CDH18: variants seen among roughly 807,000 people sequenced by gnomAD.
The protein encoded by CDH18 is cadherin 18.
CDH18 carries 31 observed loss-of-function variants against 67.9 expected under a neutral mutation model. That is an observed-to-expected ratio of 0.46 (90% confidence interval 0.34 to 0.62). The LOEUF (loss-of-function observed/expected upper bound fraction) is 0.62, where lower values mean the gene tolerates loss of function less well. Ranked by LOEUF, CDH18 falls within the 20% of genes least tolerant of loss-of-function variation. CDH18 has a pLI of 0.01. For missense variants in CDH18, 890 were observed against 975.5 expected, an observed-to-expected ratio of 0.91 and a Z score of 1.17; for synonymous variants, 362 against 347.2, an observed-to-expected ratio of 1.04 and a Z score of -0.48.
chr5:20,204,295 G>A (rs1184031942), intron 2 of CDH18, among the ~76,000 whole-genome samples: 2 of 151,784 alleles, frequency 1.3e-5, no homozygotes, highest in Admixed American at 6.6e-5. Context: ...TCTAAAAATG[G>A]ACTTCTCAAC....
At chr5:20,150,706 A>AT (rs1318139137) in intron 2 of CDH18, among the ~76,000 whole-genome samples, 29 of 152,028 alleles carry the variant, frequency 1.9e-4, no homozygotes, top group African/African-American at 7.0e-4. Flanking sequence ...ATAGCTGCCT[A>AT]TTGCAAAGAT....
chr5:19,524,007 T>G (rs1170344708), intron 9 of CDH18, among the ~76,000 whole-genome samples: 1 of 152,052 alleles, frequency 6.6e-6, no homozygotes, highest in African/African-American at 2.4e-5. Flanking sequence ...ATTGTAAAAT[T>G]TTGTAAAAAT....
At chr5:19,734,226 A>G (rs1271458654) in intron 4 of CDH18, among the ~76,000 whole-genome samples, 1 of 152,234 alleles carries the variant, frequency 6.6e-6, no homozygotes, top group African/African-American at 2.4e-5. Flanking sequence ...TTATCATTTA[A>G]AAACTGAGTT....
At chr5:20,238,665 G>T (rs7730653) in intron 2 of CDH18, among the ~76,000 whole-genome samples, 58,433 of 152,018 alleles carry the variant, frequency 0.38, 13,529 homozygotes, top group Middle Eastern at 0.58. Flanking sequence ...AAAATATGAT[G>T]TAGCTATTCC....
At chr5:20,024,769 GT>G (rs1416759212) in intron 2 of CDH18, among the ~76,000 whole-genome samples, 1 of 152,158 alleles carries the variant, frequency 6.6e-6, no homozygotes, top group Non-Finnish European at 1.5e-5. Flanking sequence ...ATGAACCTAA[GT>G]TTTTCCTGAG....
chr5:19,586,014 G>A (rs77980559), intron 7 of CDH18, among the ~76,000 whole-genome samples: 1,831 of 152,006 alleles, frequency 0.012, 16 homozygotes, highest in Non-Finnish European at 0.02. Context: ...GCTATAAAGC[G>A]GGGATAATAA....
At chr5:20,544,008 T>C (rs1171269910) in intron 1 of CDH18, among the ~76,000 whole-genome samples, 4 of 152,190 alleles carry the variant, frequency 2.6e-5, no homozygotes, top group Non-Finnish European at 5.9e-5. Flanking sequence ...ATTGTCTATG[T>C]AATGAGTTGT....
At chr5:19,650,026 T>A in intron 5 of CDH18, among the ~76,000 whole-genome samples, 1 of 152,106 alleles carries the variant, frequency 6.6e-6, no homozygotes, top group East Asian at 1.9e-4. Flanking sequence ...TTAAAAAATT[T>A]TACTTTTTGC....
chr5:19,740,045 T>C lies in CDH18; in HGVS notation c.523+6897A>G, dbSNP rs1443593809. Reference sequence around the variant, plus strand: ...CAATACATTTCCAAGAAAAAGGAACTTTGCAGTTAAACAATCTCCTTTTTG... The same window carrying C: ...CAATACATTTCCAAGAAAAAGGAACCTTGCAGTTAAACAATCTCCTTTTTG... On this transcript the variant is annotated intron_variant, in intron 4 of 12. Coordinates refer to ENST00000382275, the MANE Select transcript of CDH18 (RefSeq NM_004934.5). Among the ~76,000 whole-genome samples the C allele has an allele frequency of 2.0e-5, 3 of 152,194 alleles. No homozygotes were observed. In the East Asian group the frequency reaches 5.8e-4, roughly 29 times the overall value.
chr5:20,490,941 T>C (rs1315167838), intron 1 of CDH18, among the ~76,000 whole-genome samples: 1 of 152,118 alleles, frequency 6.6e-6, no homozygotes, highest in African/African-American at 2.4e-5. Context: ...ATGATGGGGG[T>C]ATCCTTAACA....
chr5:20,069,677 C>T (rs1052097959), intron 2 of CDH18, among the ~76,000 whole-genome samples: 1 of 152,096 alleles, frequency 6.6e-6, no homozygotes, highest in African/African-American at 2.4e-5. Flanking sequence ...TCCAAAAGTG[C>T]TGGGATTACA....
At chr5:20,272,341 A>G (rs539474337) in intron 1 of CDH18, among the ~76,000 whole-genome samples, 6 of 152,212 alleles carry the variant, frequency 3.9e-5, no homozygotes, top group Admixed American at 2.6e-4. Flanking sequence ...AGGCAGAATA[A>G]GAAAGTAAAA....
At chr5:20,011,553 C>A (rs1457995813) in intron 2 of CDH18, among the ~76,000 whole-genome samples, 1 of 152,074 alleles carries the variant, frequency 6.6e-6, no homozygotes, top group African/African-American at 2.4e-5. Context: ...GTGAATGCAT[C>A]CAGCTTTTGA....
chr5:20,435,739 C>A, intron 1 of CDH18, among the ~76,000 whole-genome samples: 1 of 151,778 alleles, frequency 6.6e-6, no homozygotes, highest in Admixed American at 6.6e-5. Context: ...AGTGTAAGTC[C>A]AGAAAAGAAA....
intron 1 of CDH18, among the ~76,000 whole-genome samples, chr5:20,553,937 A>C (rs1310527589): frequency 6.6e-6 from 1 of 152,178 alleles, no homozygotes; most frequent in Non-Finnish European, 1.5e-5. Flanking sequence ...TTATTCATAC[A>C]TTTATGATTT....
At chr5:19,979,870 T>C (rs960036801) in intron 2 of CDH18, among the ~76,000 whole-genome samples, 1 of 152,068 alleles carries the variant, frequency 6.6e-6, no homozygotes, top group Non-Finnish European at 1.5e-5. Context: ...TGGGGAAAAG[T>C]TGAAAGCATT....
intron 1 of CDH18, among the ~76,000 whole-genome samples, chr5:20,479,727 A>G (rs1420312103): frequency 1.3e-5 from 2 of 152,182 alleles, no homozygotes; most frequent in Non-Finnish European, 1.5e-5. Flanking sequence ...AAGTTTATTC[A>G]GAGGAATAGT....
chr5:19,543,747 C>T (rs771987672), intron 9 of CDH18, 122 bp downstream of exon 9: 117 of 593,230 alleles, frequency 2.0e-4, no homozygotes, highest in Non-Finnish European at 2.9e-4. Flanking sequence ...TAATACACTC[C>T]GCTTACTCTC....
chr5:20,145,756 T>C (rs1443127210), intron 2 of CDH18, among the ~76,000 whole-genome samples: 1 of 152,192 alleles, frequency 6.6e-6, no homozygotes, highest in African/African-American at 2.4e-5. Context: ...CTCATTAATT[T>C]TTAAACTGAG....
Sources: gnomAD v4.1 joint callset for allele counts (sites outside exome capture counted in the v4.1 genomes callset) on GRCh38, gnomAD v4.1.1 for gene constraint, MANE v1.5 for transcripts, NCBI Gene and HGNC (gene_info 2026-07-23, HGNC 2026-07-21) for gene names.